The following TRIO variants were observed in gnomAD, a reference collection of about 807,000 sequenced individuals.
TRIO encodes trio Rho guanine nucleotide exchange factor.
In TRIO, 58 loss-of-function variants were observed where a neutral mutation model predicts 351.9. The observed-to-expected ratio is 0.16, with a 90% confidence interval of 0.13 to 0.21. The LOEUF (loss-of-function observed/expected upper bound fraction) is 0.21, where lower values mean the gene tolerates loss of function less well. TRIO is among the 10% of genes least tolerant of loss of function. TRIO has a pLI of 1.00. For synonymous variants in TRIO, 1,758 were observed against 1,595.7 expected, an observed-to-expected ratio of 1.10 and a Z score of -2.42; for missense variants, 3,201 against 4,027.8, an observed-to-expected ratio of 0.79 and a Z score of 5.56.
At chr5:14,221,964 G>T (rs145921617) in intron 1 of TRIO, among the ~76,000 whole-genome samples, 45 of 152,248 alleles carry the variant, frequency 3.0e-4, no homozygotes, top group Non-Finnish European at 6.2e-4. Flanking sequence ...ATCACAGGAA[G>T]AGTCGATAGA....
intron 3 of TRIO, among the ~76,000 whole-genome samples, chr5:14,283,920 A>C (rs1736221930): frequency 1.3e-5 from 2 of 152,242 alleles, no homozygotes; most frequent in South Asian, 4.2e-4. Context: ...TAATCTTAGA[A>C]TGTCTCTCGG....
At position 14,381,241 on chromosome 5, in the gene TRIO, A is replaced by G. The variant is rs950757813; in HGVS notation, c.3559A>G (p.Ile1187Val). The change falls in exon 21 of 57, where the codon ATA (isoleucine) becomes GTA (valine). Residue 1187 changes from isoleucine (I) to valine (V), a missense_variant. Coordinates refer to ENST00000344204, the MANE Select transcript of TRIO (RefSeq NM_007118.4). ...ELLKEHEEFQITAKQTKERVK... is the reference protein window; with the variant it reads ...ELLKEHEEFQVTAKQTKERVK... ...CCTGAAAGAGCACGAGGAGTTCCAGATAACTGCAAAGGTGGGTTCAGAGTG... is the reference window on the plus strand; with the variant it reads ...CCTGAAAGAGCACGAGGAGTTCCAGGTAACTGCAAAGGTGGGTTCAGAGTG... The G allele has an allele frequency of 5.6e-6, 9 of 1,611,562 alleles. No individual in the cohort carries two copies. The highest frequency in any genetic ancestry group is 5.4e-5 in the African/African-American group (4 of 74,744).
In TRIO at chr5:14,266,827, A is replaced by T. The variant is rs572598688; in HGVS notation, c.158-3998A>T. Among the ~76,000 whole-genome samples the T allele has an allele frequency of 4.6e-5, 7 of 152,356 alleles. No individual in the cohort carries two copies. In the South Asian group the frequency reaches 1.4e-3, roughly 32 times the overall value. On this transcript the variant is annotated intron_variant, in intron 1 of 56. Transcript: ENST00000344204. Reference sequence around the variant, plus strand: ...AGTAGCATTCAACAAATATTAGTGTAAACATTCTGAACATAGTCATTGTAG... The same window carrying T: ...AGTAGCATTCAACAAATATTAGTGTTAACATTCTGAACATAGTCATTGTAG...
intron 2 of TRIO, among the ~76,000 whole-genome samples, chr5:14,276,308 C>G (rs1168347765): frequency 1.3e-5 from 2 of 152,184 alleles, no homozygotes; most frequent in Non-Finnish European, 2.9e-5. Flanking sequence ...ACTGGCGGGA[C>G]TTTTCATGCA....
intron 1 of TRIO, among the ~76,000 whole-genome samples, chr5:14,206,448 G>A (rs1033821454): frequency 1.3e-5 from 2 of 152,206 alleles, no homozygotes; most frequent in African/African-American, 4.8e-5. Flanking sequence ...CTTGTCTTGA[G>A]GACTTTGCAT....
chr5:14,153,315 T>A (rs917683734), intron 1 of TRIO, among the ~76,000 whole-genome samples: 1 of 152,172 alleles, frequency 6.6e-6, no homozygotes, highest in Non-Finnish European at 1.5e-5. Context: ...TCACGTGGGA[T>A]GAGATAGCAC....
chr5:14,434,126 C>A (rs1579642654), intron 34 of TRIO, among the ~76,000 whole-genome samples: 1 of 152,104 alleles, frequency 6.6e-6, no homozygotes, highest in Non-Finnish European at 1.5e-5. Context: ...ATAATTGTTA[C>A]AAGAGAAGGC....
In TRIO at chr5:14,397,129, T is replaced by C. The variant is rs30774; in HGVS notation, c.4398T>C (p.Asp1466=). 0.34 allele frequency: 552,910 copies of C among 1,607,152 alleles called. 101,476 individuals are homozygous for C. The highest frequency in any genetic ancestry group is 0.66 in the African/African-American group (49,453 of 74,896). Residue 1466 remains aspartate, a synonymous_variant, in exon 29 of 57, where the codon GAT becomes GAC. Coordinates refer to ENST00000344204, the MANE Select transcript of TRIO (RefSeq NM_007118.4). ...TCAGCGTGCCGAAGCGAGCCAATGA[T>C]GCCATGCACCTCAGCATGCTGGAAG... ...VMLSVPKRAN[D]AMHLSMLEGF...
chr5:14,318,242 C>T (rs542031056), intron 9 of TRIO, among the ~76,000 whole-genome samples: 4 of 131,758 alleles, frequency 3.0e-5, no homozygotes, highest in South Asian at 2.3e-4. Context: ...TGCAGTGGGC[C>T]GATATCGCAC....
At chr5:14,273,703 G>A (rs1052894664) in intron 2 of TRIO, among the ~76,000 whole-genome samples, 2 of 152,152 alleles carry the variant, frequency 1.3e-5, no homozygotes, top group Non-Finnish European at 2.9e-5. Flanking sequence ...ACCAAACCTC[G>A]TAAAAATGCC....
chr5:14,291,816 A>AAAAAAAAAAAAAT (rs1736940042), intron 5 of TRIO, among the ~76,000 whole-genome samples: 2 of 142,534 alleles, frequency 1.4e-5, no homozygotes, highest in Non-Finnish European at 3.1e-5. Context: ...AAAAAAAAAA[A>AAAAAAAAAAAAAT]GTGAAAATTT....
intron 1 of TRIO, among the ~76,000 whole-genome samples, chr5:14,250,460 A>G (rs924873115): frequency 1.3e-5 from 2 of 152,244 alleles, no homozygotes; most frequent in African/African-American, 4.8e-5. Flanking sequence ...AAAAATGACC[A>G]GAGTAGCCTC....
intron 1 of TRIO, among the ~76,000 whole-genome samples, chr5:14,151,949 G>A (rs753418988): frequency 1.3e-5 from 2 of 152,098 alleles, no homozygotes; most frequent in African/African-American, 4.8e-5. Context: ...AACTTTATTA[G>A]TTTAAGTTTT....
At chr5:14,426,583 T>C (rs1173482979) in intron 34 of TRIO, among the ~76,000 whole-genome samples, 2 of 152,210 alleles carry the variant, frequency 1.3e-5, no homozygotes, top group African/African-American at 4.8e-5. Context: ...GAATGATGAT[T>C]GCAGATACAC....
At chr5:14,299,516 A>T (rs1215602944) in intron 7 of TRIO, among the ~76,000 whole-genome samples, 1 of 152,198 alleles carries the variant, frequency 6.6e-6, no homozygotes, top group African/African-American at 2.4e-5. Flanking sequence ...CTTGCAAGTA[A>T]AAATGTGTTG....
intron 1 of TRIO, among the ~76,000 whole-genome samples, chr5:14,163,550 GTC>G (rs1229056652): frequency 6.6e-6 from 1 of 152,102 alleles, no homozygotes; most frequent in African/African-American, 2.4e-5. Flanking sequence ...AATTTTTTCT[GTC>G]TCTCTATTCT....
At chr5:14,344,066 T>C (rs1742186237) in intron 11 of TRIO, among the ~76,000 whole-genome samples, 1 of 152,258 alleles carries the variant, frequency 6.6e-6, no homozygotes, top group South Asian at 2.1e-4. Flanking sequence ...CTTTAGTGCA[T>C]TAAATTCTCT....
chr5:14,506,791 C>T (rs1006620897), intron 55 of TRIO, among the ~76,000 whole-genome samples: 1 of 152,196 alleles, frequency 6.6e-6, no homozygotes, highest in East Asian at 1.9e-4. Context: ...TGCCTTCCTT[C>T]AGCAGATACC....
At chr5:14,285,010 C>G (rs1447821387) in intron 3 of TRIO, among the ~76,000 whole-genome samples, 2 of 152,080 alleles carry the variant, frequency 1.3e-5, no homozygotes, top group African/African-American at 4.8e-5. Context: ...CCCATTAGAG[C>G]CCAAGGAAGT....
Sources: gnomAD v4.1 joint callset for allele counts (sites outside exome capture counted in the v4.1 genomes callset) on GRCh38, gnomAD v4.1.1 for gene constraint, MANE v1.5 for transcripts, NCBI Gene and HGNC (gene_info 2026-07-23, HGNC 2026-07-21) for gene names.